The following SLC2A9 variants were observed in gnomAD, a reference collection of about 807,000 sequenced individuals.
SLC2A9 encodes the protein solute carrier family 2, facilitated glucose transporter member 9.
SLC2A9 carries 39 observed loss-of-function variants against 50.6 expected under a neutral mutation model. The ratio of observed to expected loss-of-function variants is 0.77; its 90% confidence interval spans 0.60 to 1.01. The LOEUF is 1.01. Ranked by LOEUF, SLC2A9 falls within the 50% of genes least tolerant of loss-of-function variation. SLC2A9 has a pLI of 0.00. For synonymous variants in SLC2A9, 324 were observed against 276.9 expected (o/e 1.17, Z -1.69); for missense variants, 686 against 677.6 (o/e 1.01, Z -0.14).
intron 10 of SLC2A9, among the ~76,000 whole-genome samples, chr4:9,859,870 C>T (rs1445874545): frequency 6.6e-6 from 1 of 152,196 alleles, no homozygotes; most frequent in Non-Finnish European, 1.5e-5. Flanking sequence ...TATCTTTCCC[C>T]AGTTGGCTGT....
intron 10 of SLC2A9, among the ~76,000 whole-genome samples, chr4:9,883,935 A>C (rs990547336): frequency 1.3e-5 from 2 of 152,218 alleles, no homozygotes; most frequent in Non-Finnish European, 2.9e-5. Flanking sequence ...AGTGGAGAAG[A>C]GGGTGTTACC....
chr4:9,839,220 A>G (rs190804521), intron 10 of SLC2A9, among the ~76,000 whole-genome samples: 5 of 152,326 alleles, frequency 3.3e-5, no homozygotes, highest in Admixed American at 1.3e-4. Context: ...GTGGTTAAAA[A>G]TCATATGAAG....
chr4:10,011,278 A>G (rs994240583), intron 2 of SLC2A9, among the ~76,000 whole-genome samples: 1 of 152,132 alleles, frequency 6.6e-6, no homozygotes, highest in Non-Finnish European at 1.5e-5. Context: ...CCAGGCCTGT[A>G]TCAGCCCTGT....
intron 7 of SLC2A9, among the ~76,000 whole-genome samples, chr4:9,913,823 A>T (rs2110034763): frequency 6.6e-6 from 1 of 152,318 alleles, no homozygotes; most frequent in South Asian, 2.1e-4. Context: ...GCCACTTATG[A>T]AGCCATGCTG....
At chr4:9,824,310 A>T (rs770382155), downstream of SLC2A9, among the ~76,000 whole-genome samples, 5 of 1,240 alleles carry the variant, frequency 4.0e-3, no homozygotes, top group Non-Finnish European at 0.042. Context: ...CCAGAACAGT[A>T]AAAAAAAAAA....
intron 3 of SLC2A9, among the ~76,000 whole-genome samples, chr4:9,785,688 A>G (rs1328287589): frequency 1.3e-5 from 2 of 152,222 alleles, no homozygotes; most frequent in East Asian, 3.8e-4. Context: ...GTTAGGTACT[A>G]TGCTCTAGGC....
chr4:10,004,188 G>A (rs1474872350), intron 2 of SLC2A9, among the ~76,000 whole-genome samples: 5 of 152,226 alleles, frequency 3.3e-5, no homozygotes, highest in East Asian at 3.9e-4. Flanking sequence ...CAGACATTTG[G>A]ATATCTCATC....
At chr4:9,801,362 T>C (rs749310905) in intron 3 of SLC2A9, among the ~76,000 whole-genome samples, 19 of 151,898 alleles carry the variant, frequency 1.3e-4, no homozygotes, top group Non-Finnish European at 2.5e-4. Context: ...TTTGGGGGAG[T>C]GGTTTCTTCC....
chr4:9,838,486 C>G (rs948658921), intron 10 of SLC2A9, among the ~76,000 whole-genome samples: 2 of 152,094 alleles, frequency 1.3e-5, no homozygotes, highest in Non-Finnish European at 2.9e-5. Context: ...ACATTCTTCA[C>G]AGAGCCATAA....
intron 3 of SLC2A9, among the ~76,000 whole-genome samples, chr4:9,810,359 T>C (rs1722714348): frequency 6.6e-6 from 1 of 152,182 alleles, no homozygotes; most frequent in Non-Finnish European, 1.5e-5. Flanking sequence ...TCCTCTGAGA[T>C]GAAGTGGGGA....
chr4:10,018,700 G>A (rs1035020831), intron 2 of SLC2A9, among the ~76,000 whole-genome samples: 1 of 112,886 alleles, frequency 8.9e-6, no homozygotes, highest in East Asian at 2.3e-4. Flanking sequence ...ACCCCACCCC[G>A]GGACTTCCGA....
chr4:10,005,630 T>C (rs536188661), intron 2 of SLC2A9, among the ~76,000 whole-genome samples: 13 of 152,240 alleles, frequency 8.5e-5, no homozygotes, highest in Admixed American at 2.6e-4. Flanking sequence ...GAAGCATTGA[T>C]GTTACGGCTA....
At chr4:10,038,783 G>A (rs557798038) in intron 1 of SLC2A9, among the ~76,000 whole-genome samples, 2 of 152,252 alleles carry the variant, frequency 1.3e-5, no homozygotes, top group East Asian at 1.9e-4. Flanking sequence ...TAAGGATCCC[G>A]AACTTGATTC....
intron 5 of SLC2A9, among the ~76,000 whole-genome samples, chr4:9,962,010 A>G (rs1752344891): frequency 6.6e-6 from 1 of 152,254 alleles, no homozygotes; most frequent in Non-Finnish European, 1.5e-5. Flanking sequence ...TCAAAACCAC[A>G]GTGAGATACC....
At chr4:9,839,421 T>G (rs182896242) in intron 10 of SLC2A9, among the ~76,000 whole-genome samples, 18 of 152,276 alleles carry the variant, frequency 1.2e-4, no homozygotes, top group Non-Finnish European at 2.1e-4. Flanking sequence ...TGGAAGACAG[T>G]GTGGCCGTTC....
At chr4:9,838,410 C>A (rs1727445677) in intron 10 of SLC2A9, among the ~76,000 whole-genome samples, 4 of 152,106 alleles carry the variant, frequency 2.6e-5, no homozygotes, top group South Asian at 2.1e-4. Flanking sequence ...ATAAAAAGAA[C>A]TAATATTGTT....
At chr4:10,029,511 A>G (rs1446043848) in intron 1 of SLC2A9, among the ~76,000 whole-genome samples, 1 of 151,356 alleles carries the variant, frequency 6.6e-6, no homozygotes, top group Admixed American at 6.6e-5. Flanking sequence ...TAAAATCCCA[A>G]AGCCAGGCTC....
At chr4:9,773,355 C>T (rs1042671858) in intron 1 of SLC2A9, among the ~76,000 whole-genome samples, 6 of 152,160 alleles carry the variant, frequency 3.9e-5, no homozygotes, top group Non-Finnish European at 8.8e-5. Context: ...AGCTACAGAA[C>T]AGAGCTTTCA....
chr4:9,866,751 A>G lies in SLC2A9; in HGVS notation c.1291+20816T>C, dbSNP rs573135297. Among the ~76,000 whole-genome samples the G allele has an allele frequency of 4.4e-4, 67 of 152,286 alleles. 3 individuals carry two copies. Among genetic ancestry groups the G allele is most frequent in the East Asian group, 1.9e-3 (10 of 5,192 alleles). ...CTCCCCATCCATGCGTGTGAGCTGC[A>G]TCTAACTCGCTTCATGTATGTTGTC... On this transcript the variant is annotated intron_variant, in intron 10 of 11. Transcript: ENST00000264784.
Sources: allele counts gnomAD v4.1 joint callset (sites outside exome capture counted in the v4.1 genomes callset), GRCh38; gene constraint gnomAD v4.1.1; transcripts MANE v1.5; gene names NCBI Gene and HGNC (gene_info 2026-07-23, HGNC 2026-07-21).